Variants in EFCAB6 observed in about 807,000 individuals in gnomAD.
The protein encoded by EFCAB6 is EF-hand calcium binding domain 6.
EFCAB6 carries 156 observed loss-of-function variants against 169.8 expected under a neutral mutation model. The observed-to-expected ratio is 0.92, with a 90% CI of 0.81 to 1.05. The LOEUF (loss-of-function observed/expected upper bound fraction) is 1.05, where lower values mean the gene tolerates loss of function less well. EFCAB6 is among the 50% of genes least tolerant of loss of function. The pLI, the probability that EFCAB6 is intolerant of heterozygous loss-of-function variation, is 0.00. For missense variants in EFCAB6, 1,800 were observed against 1,829.1 expected, an observed-to-expected ratio of 0.98 and a Z score of 0.29; for synonymous variants, 698 against 676.4, an observed-to-expected ratio of 1.03 and a Z score of -0.50.
chr22:43,629,009 C>T (rs1323294411), intron 19 of EFCAB6, among the ~76,000 whole-genome samples: 1 of 152,206 alleles, frequency 6.6e-6, no homozygotes, highest in Non-Finnish European at 1.5e-5. Context: ...GCTGGGTACA[C>T]AGACACCATA....
At chr22:43,714,534 A>G (rs960287600) in intron 9 of EFCAB6, among the ~76,000 whole-genome samples, 3 of 151,280 alleles carry the variant, frequency 2.0e-5, no homozygotes, top group Admixed American at 6.6e-5. Flanking sequence ...AGGATCAAGA[A>G]AAAAAAAAAG....
intron 2 of EFCAB6, among the ~76,000 whole-genome samples, chr22:43,791,410 T>C (rs750907896): frequency 6.7e-6 from 1 of 148,438 alleles, no homozygotes; most frequent in Non-Finnish European, 1.5e-5. Context: ...CAACATATCA[T>C]GTATATAAAG....
At chr22:43,645,101 C>T (rs1369397828) in intron 17 of EFCAB6, among the ~76,000 whole-genome samples, 2 of 152,158 alleles carry the variant, frequency 1.3e-5, no homozygotes, top group Non-Finnish European at 2.9e-5. Context: ...GAAATGGCTC[C>T]TGTATCACAT....
At chr22:43,531,674 A>G (rs907723929) in intron 30 of EFCAB6, among the ~76,000 whole-genome samples, 4 of 150,118 alleles carry the variant, frequency 2.7e-5, no homozygotes, top group Non-Finnish European at 4.4e-5. Context: ...AGCTGCTTTC[A>G]TTTTTTTTTT....
chr22:43,695,923 T>C (rs1290542936), intron 10 of EFCAB6, among the ~76,000 whole-genome samples: 2 of 152,066 alleles, frequency 1.3e-5, no homozygotes, highest in Admixed American at 1.3e-4. Flanking sequence ...TTTCTGAGAA[T>C]AGACACCCCC....
intron 17 of EFCAB6, among the ~76,000 whole-genome samples, chr22:43,646,503 A>C (rs75912267): frequency 0.013 from 2,047 of 152,360 alleles, 26 homozygotes; most frequent in Admixed American, 0.026. Flanking sequence ...TATTGCATTT[A>C]TATAGAAATA....
Position 43,608,585 on chromosome 22 carries a change from C to T in EFCAB6, c.2578G>A (p.Asp860Asn), listed in dbSNP as rs55698170. The stretch of plus-strand genomic sequence containing the variant: ...CGAAGAATGCCATTGCCCTCATTAT[C>T]GGTTTCTAGAAAATTCTACAACATC... ...SDLSKNFLET[D>N]NEGNGILRRR... Residue 860 changes from aspartate to asparagine, a missense_variant, in exon 22 of 32, where the codon GAT becomes AAT. Physicochemically the swap from Asp to Asn is conservative, Grantham distance 23. Transcript: ENST00000262726. 3.0e-3 allele frequency: 4,776 copies of T among 1,614,134 alleles called. 5 individuals carry two copies. Among genetic ancestry groups the T allele is most frequent in the Non-Finnish European group, 3.8e-3 (4,436 of 1,179,998 alleles).
rs1256833302 is a variant in EFCAB6 at position 43,784,580 on chromosome 22, CACATATATATGTATAT to C, written c.-7-2271_-7-2256del. 1.0e-3 allele frequency among the ~76,000 whole-genome samples: 73 copies of C among 72,966 alleles called. 3 individuals carry two copies. The highest frequency in any genetic ancestry group is 3.4e-3 in the African/African-American group (69 of 20,080). The allele number at this position is 72,966 out of a possible 152,430, so 47.9% of individuals were successfully genotyped here. ...ATACACATATATATGTGTACATATA[CACATATATATGTATAT>C]ATACACATATATATGTGTATATATA... On this transcript the variant is annotated intron_variant, in intron 2 of 31. Transcript: ENST00000262726.
intron 17 of EFCAB6, among the ~76,000 whole-genome samples, chr22:43,665,343 G>A (rs2057198647): frequency 6.6e-6 from 1 of 152,192 alleles, no homozygotes; most frequent in East Asian, 1.9e-4. Context: ...GGCCAGGTAA[G>A]GAGCTGCTCT....
intron 26 of EFCAB6, among the ~76,000 whole-genome samples, chr22:43,556,461 G>T (rs1010772448): frequency 6.6e-6 from 1 of 152,270 alleles, no homozygotes; most frequent in East Asian, 1.9e-4. Context: ...GATATACTGG[G>T]TTTCCCCACA....
intron 3 of EFCAB6, 97 bp downstream of exon 3, chr22:43,782,083 A>G: frequency 8.0e-7 from 1 of 1,245,202 alleles, no homozygotes; most frequent in Non-Finnish European, 1.1e-6. Context: ...TGTGAGGATT[A>G]AATGTCATAT....
rs148430296 is a variant in EFCAB6, at chr22:43,760,305, G to T, written c.441-4473C>A. On this transcript the variant is annotated intron_variant, in intron 5 of 31. Coordinates refer to ENST00000262726, the MANE Select transcript of EFCAB6 (RefSeq NM_022785.4). ...ATATTTTATGTCAGCACACTGAAAA[G>T]ATTATTTCATTATCTTATAGCCTTC... is the stretch of plus-strand genomic sequence containing the variant. Among the ~76,000 whole-genome samples, 615 of 152,040 alleles carry T rather than the reference G, an allele frequency of 4.0e-3. 3 individuals carry two copies. Among genetic ancestry groups the T allele is most frequent in the Middle Eastern group, 0.014 (4 of 292 alleles).
At chr22:43,647,950 G>GT (rs2148030782) in intron 17 of EFCAB6, among the ~76,000 whole-genome samples, 1 of 152,224 alleles carries the variant, frequency 6.6e-6, no homozygotes, top group Non-Finnish European at 1.5e-5. Flanking sequence ...TTCGAGAACT[G>GT]TGAAAAAATA....
intron 27 of EFCAB6, among the ~76,000 whole-genome samples, chr22:43,547,305 A>T (rs183857325): frequency 2.6e-5 from 4 of 152,298 alleles, no homozygotes. Flanking sequence ...GGCAAAAGAG[A>T]ACAATGAAAA....
At chr22:43,728,390 A>ATAG (rs1439053144) in intron 8 of EFCAB6, among the ~76,000 whole-genome samples, 1 of 152,144 alleles carries the variant, frequency 6.6e-6, no homozygotes, top group Non-Finnish European at 1.5e-5. Context: ...ATGTGTCTTT[A>ATAG]TAGTAGAATG....
chr22:43,784,578 TACACATATATATGTATATATAC>T (rs2061970737), intron 2 of EFCAB6, among the ~76,000 whole-genome samples: 2 of 76,420 alleles, frequency 2.6e-5, no homozygotes, highest in Admixed American at 3.2e-4. Context: ...TGTGTACATA[TACACATATATATGTATATATAC>T]ACATATATAT....
At chr22:43,699,827 C>A (rs1484804194) in intron 10 of EFCAB6, among the ~76,000 whole-genome samples, 5 of 152,154 alleles carry the variant, frequency 3.3e-5, no homozygotes, top group African/African-American at 7.2e-5. Flanking sequence ...GACTAAATGG[C>A]TTATTTTTTC....
At position 43,598,322 on chromosome 22, in the gene EFCAB6, A is replaced by AAAAAAC. The variant is rs1569223061; in HGVS notation, c.2876+1746_2876+1747insGTTTTT. On this transcript the variant is annotated intron_variant, in intron 23 of 31. Coordinates refer to ENST00000262726, the MANE Select transcript of EFCAB6 (RefSeq NM_022785.4). ...GACACTGTCTCCGGGAAAAAAAAAA[A>AAAAAAC]AAAAAAAAAAAAAAAAGGTTGATCT... Among the ~76,000 whole-genome samples the AAAAAAC allele has an allele frequency of 2.5e-3, 330 of 130,298 alleles. 4 individuals are homozygous for AAAAAAC. Among genetic ancestry groups the AAAAAAC allele is most frequent in the South Asian group, 7.2e-3 (28 of 3,880 alleles). 85.5% of individuals were successfully genotyped at this position (130,298 alleles called of 152,430 possible).
intron 26 of EFCAB6, among the ~76,000 whole-genome samples, chr22:43,564,812 T>C (rs1157419609): frequency 1.3e-5 from 2 of 152,228 alleles, no homozygotes; most frequent in East Asian, 3.8e-4. Context: ...GGCTTTAAAA[T>C]CAGTTTTCCA....
Sources: gnomAD v4.1 joint callset for allele counts (sites outside exome capture counted in the v4.1 genomes callset) on GRCh38, gnomAD v4.1.1 for gene constraint, MANE v1.5 for transcripts, NCBI Gene and HGNC (gene_info 2026-07-23, HGNC 2026-07-21) for gene names.